SHROOM3: variants seen among roughly 807,000 people sequenced by gnomAD.
SHROOM3 encodes the protein protein Shroom3.
In SHROOM3, 47 loss-of-function variants were observed where a neutral mutation model predicts 138.6. The observed-to-expected ratio is 0.34, with a 90% CI of 0.27 to 0.43. The LOEUF (loss-of-function observed/expected upper bound fraction) is 0.43. Among genes scored for constraint, SHROOM3 ranks in the 20% least tolerant of loss-of-function variants. SHROOM3 has a pLI of 1.00. For synonymous variants in SHROOM3, 1,062 were observed against 1,063.3 expected (o/e 1.00, Z 0.02); for missense variants, 2,491 against 2,596.5 (o/e 0.96, Z 0.88).
Position 76,740,945 on chromosome 4 carries a change from C to G in SHROOM3, c.2772C>G (p.Tyr924Ter). The G allele has an allele frequency of 6.7e-7, 1 of 1,497,904 alleles. No individual in the cohort carries two copies. The highest frequency in any genetic ancestry group is 8.9e-7 in the Non-Finnish European group (1 of 1,126,878). The allele number at this position is 1,497,904 out of a possible 1,614,324, so 92.8% of individuals were successfully genotyped here. A position where few individuals can be genotyped will look rare whatever the true frequency, so the allele number is the denominator to read the frequency against. The change falls in exon 5 of 11, where the codon TAC becomes TAG. Residue 924 changes from tyrosine to a stop codon, truncating the protein, a stop_gained. Coordinates refer to ENST00000296043, the MANE Select transcript of SHROOM3 (RefSeq NM_020859.4). LOFTEE classifies it high-confidence loss of function. This position sits in a 1 kb window ranked among gnomAD's most constrained non-coding sequence, Gnocchi z 4.0. ...TGGATGCCCCCTTCAGCCGCGCCTA[C>G]CGGAACAGCATCAAGGACGCACAGT... is the stretch of plus-strand genomic sequence containing the variant. ...PLLDAPFSRA[Y>*]RNSIKDAQSR...
intron 2 of SHROOM3, among the ~76,000 whole-genome samples, chr4:76,618,949 G>A (rs1229702523): frequency 6.6e-6 from 1 of 152,150 alleles, no homozygotes; most frequent in African/African-American, 2.4e-5. Context: ...CCAGGTTCAA[G>A]TGATTCTACT....
intron 1 of SHROOM3, among the ~76,000 whole-genome samples, chr4:76,441,082 A>ATTTTTTTT (rs1354191068): frequency 1.4e-4 from 8 of 55,960 alleles, no homozygotes; most frequent in East Asian, 7.1e-4. Context: ...CCTGAGTTCA[A>ATTTTTTTT]TTTGTTTTTT....
At chr4:76,454,651 C>T (rs1730990676) in intron 1 of SHROOM3, among the ~76,000 whole-genome samples, 1 of 151,918 alleles carries the variant, frequency 6.6e-6, no homozygotes, top group Non-Finnish European at 1.5e-5. Flanking sequence ...TACTTGGGGT[C>T]CTTTAAGATT....
intron 2 of SHROOM3, among the ~76,000 whole-genome samples, chr4:76,593,490 C>T (rs1427189042): frequency 6.6e-6 from 1 of 152,148 alleles, no homozygotes; most frequent in Non-Finnish European, 1.5e-5. Flanking sequence ...ATGACTGGCC[C>T]TGTTATTTAT....
At position 76,598,335 on chromosome 4, in the gene SHROOM3, A is replaced by G. The variant is rs551003882; in HGVS notation, c.323+42572A>G. On this transcript the variant is annotated intron_variant, in intron 2 of 10. Coordinates refer to ENST00000296043, the MANE Select transcript of SHROOM3 (RefSeq NM_020859.4). ...GCCACCACACCTGGCCAAAAAATCT[A>G]TGATTATAACAGTCATGCTATGATG... 5.9e-5 allele frequency among the ~76,000 whole-genome samples: 9 copies of G among 152,300 alleles called. No homozygotes were observed. The South Asian group carries it at 1.7e-3, about 28-fold the overall frequency.
intron 2 of SHROOM3, among the ~76,000 whole-genome samples, chr4:76,587,817 C>T (rs995921190): frequency 3.9e-5 from 6 of 151,992 alleles, no homozygotes; most frequent in African/African-American, 1.4e-4. Context: ...AATATGGATC[C>T]ATAGGTAGGT....
At chr4:76,611,769 T>C (rs1024314310) in intron 2 of SHROOM3, among the ~76,000 whole-genome samples, 8 of 152,198 alleles carry the variant, frequency 5.3e-5, no homozygotes, top group African/African-American at 1.7e-4. Flanking sequence ...GCCCAGCCTC[T>C]GGATCAGCCT....
chr4:76,706,682 A>G (rs981963163), intron 2 of SHROOM3, among the ~76,000 whole-genome samples: 1 of 152,174 alleles, frequency 6.6e-6, no homozygotes, highest in African/African-American at 2.4e-5. Flanking sequence ...CTGTTGTTCA[A>G]GGGTCATCTG....
In SHROOM3 at chr4:76,614,440, C is replaced by T. The variant is rs139874250; in HGVS notation, c.323+58677C>T. 4.0e-3 allele frequency among the ~76,000 whole-genome samples: 614 copies of T among 152,262 alleles called. 4 individuals are homozygous for T. Among genetic ancestry groups the T allele is most frequent in the African/African-American group, 0.014 (587 of 41,570 alleles). On this transcript the variant is annotated intron_variant, in intron 2 of 10. Transcript: ENST00000296043. The stretch of plus-strand genomic sequence containing the variant: ...CTCGTGCCCCATCTAAAGGAGTCAG[C>T]TGCTTCTCAACTCTAATAGGTTATT...
At chr4:76,694,116 G>A (rs1719652851) in intron 2 of SHROOM3, among the ~76,000 whole-genome samples, 1 of 152,204 alleles carries the variant, frequency 6.6e-6, no homozygotes, top group South Asian at 2.1e-4. Flanking sequence ...AAGCATTTGG[G>A]AAAGATGTTA....
At chr4:76,645,998 C>T (rs1735805098) in intron 2 of SHROOM3, among the ~76,000 whole-genome samples, 1 of 151,918 alleles carries the variant, frequency 6.6e-6, no homozygotes, top group Admixed American at 6.6e-5. Context: ...AAGTGGGCAA[C>T]TAGCTTCCAT....
At chr4:76,473,822 T>C (rs1264255044) in intron 1 of SHROOM3, among the ~76,000 whole-genome samples, 4 of 152,152 alleles carry the variant, frequency 2.6e-5, no homozygotes, top group African/African-American at 9.7e-5. Context: ...ATAAAAAGTG[T>C]TGGCCAGGAT....
At chr4:76,770,554 TG>T in intron 9 of SHROOM3, 71 bp from the exon 10 acceptor site, 1 of 1,577,430 alleles carries the variant, frequency 6.3e-7, no homozygotes. Flanking sequence ...AGAAGGTGGC[TG>T]GGGGAGGTGA....
chr4:76,703,583 G>A (rs1546112), intron 2 of SHROOM3, among the ~76,000 whole-genome samples: 12,200 of 152,200 alleles, frequency 0.08, 731 homozygotes, highest in East Asian at 0.25. Flanking sequence ...GGCCTTTTCA[G>A]CCTCCTGGAG....
intron 2 of SHROOM3, among the ~76,000 whole-genome samples, chr4:76,581,909 G>C (rs1007145649): frequency 6.6e-6 from 1 of 152,194 alleles, no homozygotes; most frequent in African/African-American, 2.4e-5. Flanking sequence ...TCACCATTGA[G>C]ATTTATTCTA....
intron 2 of SHROOM3, among the ~76,000 whole-genome samples, chr4:76,632,250 T>C (rs1479615556): frequency 2.6e-5 from 4 of 152,202 alleles, no homozygotes; most frequent in African/African-American, 9.7e-5. Context: ...TTACCAACTT[T>C]GTATAAATAA....
At chr4:76,517,737 T>C (rs1378790758) in intron 1 of SHROOM3, among the ~76,000 whole-genome samples, 1 of 152,074 alleles carries the variant, frequency 6.6e-6, no homozygotes, top group East Asian at 1.9e-4. Flanking sequence ...AATGAGGGCC[T>C]GTGTATGCTA....
Position 76,738,991 on chromosome 4 carries a change from C to A in SHROOM3, c.818C>A (p.Pro273Gln). The A allele has an allele frequency of 6.2e-7, 1 of 1,614,208 alleles. No homozygotes were observed. Among genetic ancestry groups the A allele is most frequent in the South Asian group, 1.1e-5 (1 of 91,078 alleles). The change falls in exon 5 of 11, where the codon CCA (proline) becomes CAA (glutamine). Residue 273 changes from proline (P) to glutamine (Q), a missense_variant. This residue lies in a region of SHROOM3 where 1,733 missense variants were observed against 1,661.6 expected (regional missense o/e 1.04). Transcript: ENST00000296043. ...FSTSSSILEY[P>Q]HPGISGRERS... ...ACCAGTTCTAGCATCCTAGAGTATC[C>A]ACACCCTGGCATCTCTGGCCGGGAG...
rs570589503 is a variant in SHROOM3 at position 76,731,290 on chromosome 4, C to T, written c.587+355C>T. Among the ~76,000 whole-genome samples the T allele has an allele frequency of 2.6e-5, 4 of 152,258 alleles. No homozygotes were observed. The East Asian group carries it at 7.7e-4, about 29-fold the overall frequency. ...AGTGTGCTTTCTGCCTTAGTCAAAA[C>T]CGTATCCATTTTTATTCCTGTGTTT... On this transcript the variant is annotated intron_variant, in intron 4 of 10. Coordinates refer to ENST00000296043, the MANE Select transcript of SHROOM3 (RefSeq NM_020859.4).
Sources: allele counts gnomAD v4.1 joint callset (sites outside exome capture counted in the v4.1 genomes callset), GRCh38; gene constraint gnomAD v4.1.1; regional missense constraint gnomAD v4.1.1; non-coding constraint Gnocchi (gnomAD v3.1); transcripts MANE v1.5; gene names NCBI Gene and HGNC (gene_info 2026-07-23, HGNC 2026-07-21).